Variants in DLG2 observed in about 807,000 individuals in gnomAD.
The protein encoded by DLG2 is discs large MAGUK scaffold protein 2.
DLG2 carries 45 observed loss-of-function variants against 132.5 expected under a neutral mutation model. The ratio of observed to expected loss-of-function variants is 0.34; its 90% CI spans 0.27 to 0.44. The LOEUF (loss-of-function observed/expected upper bound fraction) is 0.44, where lower values mean the gene tolerates loss of function less well. DLG2 is among the 20% of genes least tolerant of loss of function. The pLI is 1.00. For synonymous variants in DLG2, 424 were observed against 419.6 expected, an observed-to-expected ratio of 1.01 and a Z score of -0.13; for missense variants, 1,045 against 1,196.9, an observed-to-expected ratio of 0.87 and a Z score of 1.87.
At chr11:85,253,702 C>A (rs1051731282) in intron 4 of DLG2, among the ~76,000 whole-genome samples, 1 of 152,046 alleles carries the variant, frequency 6.6e-6, no homozygotes, top group Admixed American at 6.6e-5. Context: ...TCATGGCACC[C>A]GAGTTCTTGT....
chr11:83,769,540 G>C (rs57078494), intron 18 of DLG2, among the ~76,000 whole-genome samples: 5,019 of 151,102 alleles, frequency 0.033, 282 homozygotes, highest in African/African-American at 0.12. Context: ...AGGCTTCCTA[G>C]AGGAGAATGA....
At chr11:83,985,235 C>G (rs1049877589) in intron 11 of DLG2, among the ~76,000 whole-genome samples, 1 of 152,016 alleles carries the variant, frequency 6.6e-6, no homozygotes, top group East Asian at 1.9e-4. Flanking sequence ...TGCCCCTGTC[C>G]CCCATCCCTG....
chr11:84,750,313 TTGAA>T lies in DLG2; in HGVS notation c.358-215586_358-215583del, dbSNP rs1329338225. 2.0e-5 allele frequency among the ~76,000 whole-genome samples: 3 copies of T among 152,236 alleles called. No individual in the cohort carries two copies. The East Asian group carries it at 5.8e-4, about 29-fold the overall frequency. ...ATGAGCTCTTCTTCCTGAATATTTG[TTGAA>T]TGAATTATTAAATATTTATTTAATC... On this transcript the variant is annotated intron_variant, in intron 6 of 27. Coordinates refer to ENST00000376104, the MANE Select transcript of DLG2 (RefSeq NM_001142699.3).
At chr11:84,943,074 T>C (rs939176973) in intron 6 of DLG2, among the ~76,000 whole-genome samples, 1 of 152,044 alleles carries the variant, frequency 6.6e-6, no homozygotes, top group African/African-American at 2.4e-5. Flanking sequence ...ACATTAAATA[T>C]CTTTCTCCAT....
intron 3 of DLG2, among the ~76,000 whole-genome samples, chr11:85,403,456 T>G (rs1003199708): frequency 1.3e-5 from 2 of 151,932 alleles, no homozygotes; most frequent in Non-Finnish European, 2.9e-5. Flanking sequence ...AACCTGCACA[T>G]TGTGCACATA....
At chr11:83,598,216 A>G (rs957744943) in intron 19 of DLG2, among the ~76,000 whole-genome samples, 2 of 152,238 alleles carry the variant, frequency 1.3e-5, no homozygotes, top group Non-Finnish European at 2.9e-5. Flanking sequence ...TGTTACTGGA[A>G]TACTTTTCTC....
intron 6 of DLG2, among the ~76,000 whole-genome samples, chr11:84,929,014 A>C (rs1427458348): frequency 1.4e-4 from 19 of 131,454 alleles, no homozygotes; most frequent in Non-Finnish European, 2.6e-4. Flanking sequence ...ATATATATAT[A>C]TATATATATA....
chr11:84,601,620 T>G (rs2099576665), intron 6 of DLG2, among the ~76,000 whole-genome samples: 1 of 152,022 alleles, frequency 6.6e-6, no homozygotes, highest in Non-Finnish European at 1.5e-5. Flanking sequence ...AATCACCTAC[T>G]AAAATGTTTT....
chr11:83,592,616 T>C (rs1194300501), intron 19 of DLG2, among the ~76,000 whole-genome samples: 1 of 151,586 alleles, frequency 6.6e-6, no homozygotes, highest in Non-Finnish European at 1.5e-5. Flanking sequence ...CCAAAAGCAA[T>C]GGCAACAAAA....
chr11:84,981,682 T>A (rs368800872), intron 6 of DLG2, among the ~76,000 whole-genome samples: 1 of 152,112 alleles, frequency 6.6e-6, no homozygotes, highest in African/African-American at 2.4e-5. Flanking sequence ...TAAGCCTTTC[T>A]ACCTAAAAAA....
intron 3 of DLG2, among the ~76,000 whole-genome samples, chr11:85,425,262 AG>A (rs1011371046): frequency 1.6e-4 from 25 of 152,336 alleles, no homozygotes; most frequent in African/African-American, 5.3e-4. Flanking sequence ...AATACAAAAA[AG>A]AATGCAACAG....
At chr11:84,467,401 T>G (rs534324067) in intron 7 of DLG2, among the ~76,000 whole-genome samples, 1 of 151,422 alleles carries the variant, frequency 6.6e-6, no homozygotes, top group Non-Finnish European at 1.5e-5. Flanking sequence ...AAAAATGCCA[T>G]GTAGAAGAAA....
intron 8 of DLG2, among the ~76,000 whole-genome samples, chr11:84,209,102 G>A (rs950857306): frequency 7.9e-5 from 12 of 152,152 alleles, no homozygotes; most frequent in African/African-American, 2.4e-4. Flanking sequence ...GTTTAACCAC[G>A]TGATAAAGGT....
rs369662646 is a variant in DLG2 at position 85,574,825 on chromosome 11, A to G, written c.40+23832T>C. Among the ~76,000 whole-genome samples, 7 of 152,276 alleles carry G rather than the reference A, an allele frequency of 4.6e-5. No individual in the cohort carries two copies. In the South Asian group the frequency reaches 1.5e-3, roughly 32 times the overall value. On this transcript the variant is annotated intron_variant, in intron 3 of 27. Coordinates refer to ENST00000376104, the MANE Select transcript of DLG2 (RefSeq NM_001142699.3). The stretch of plus-strand genomic sequence containing the variant: ...GTGCCAGGCTTGCACAGTCTGCAGA[A>G]CTGTGAGCCAAATAAACCTCTTTTC...
intron 15 of DLG2, among the ~76,000 whole-genome samples, chr11:83,893,719 T>C (rs1435736958): frequency 2.0e-5 from 3 of 152,234 alleles, no homozygotes; most frequent in Non-Finnish European, 4.4e-5. Context: ...TGGAATCAGG[T>C]AAACTTACTG....
At chr11:84,309,422 T>C (rs1419929683) in intron 7 of DLG2, among the ~76,000 whole-genome samples, 2 of 152,202 alleles carry the variant, frequency 1.3e-5, no homozygotes, top group African/African-American at 2.4e-5. Context: ...GGGCAACTTA[T>C]AACAATAAAA....
At chr11:85,379,612 C>T (rs2085711410) in intron 3 of DLG2, among the ~76,000 whole-genome samples, 1 of 152,102 alleles carries the variant, frequency 6.6e-6, no homozygotes, top group Non-Finnish European at 1.5e-5. Context: ...AAAAATGAAA[C>T]ATTAATGTTA....
chr11:84,453,306 A>G (rs1436044235), intron 7 of DLG2, among the ~76,000 whole-genome samples: 1 of 151,694 alleles, frequency 6.6e-6, no homozygotes, highest in African/African-American at 2.4e-5. Flanking sequence ...TATTTAATAC[A>G]TGATTTTCTT....
intron 21 of DLG2, among the ~76,000 whole-genome samples, chr11:83,522,429 A>G (rs962127752): frequency 6.6e-6 from 1 of 152,178 alleles, no homozygotes; most frequent in African/African-American, 2.4e-5. Flanking sequence ...AGGAAACTCA[A>G]AACCTATTTA....
Sources: gnomAD v4.1 joint callset for allele counts (sites outside exome capture counted in the v4.1 genomes callset) on GRCh38, gnomAD v4.1.1 for gene constraint, MANE v1.5 for transcripts, NCBI Gene and HGNC (gene_info 2026-07-23, HGNC 2026-07-21) for gene names.